Variants in DNMT3L observed in about 807,000 individuals in gnomAD.
The protein encoded by DNMT3L is DNA methyltransferase 3 like, also known as DNA (cytosine-5)-methyltransferase 3-like.
Under a neutral mutation model 36.2 loss-of-function variants are expected in DNMT3L, and 33 were observed. That is an observed-to-expected ratio of 0.91 (90% CI 0.69 to 1.22). The LOEUF is 1.22. Ranked by LOEUF, DNMT3L falls within the 50% of genes most tolerant of loss-of-function variation. The probability of loss-of-function intolerance (pLI) is 0.00; values close to 1 mark genes in which losing one functional copy is unlikely to be tolerated. For synonymous variants in DNMT3L, 117 were observed against 121.7 expected (o/e 0.96, Z 0.26); for missense variants, 310 against 303.1 (o/e 1.02, Z -0.17).
chr21:44,260,318 C>G (rs987899267), intron 3 of DNMT3L, among the ~76,000 whole-genome samples: 1 of 152,162 alleles, frequency 6.6e-6, no homozygotes, highest in Non-Finnish European at 1.5e-5. Flanking sequence ...GTTTTCTTTT[C>G]AGGGTGATGA....
chr21:44,256,484 T>C (rs1390882161), intron 6 of DNMT3L, among the ~76,000 whole-genome samples: 1 of 145,122 alleles, frequency 6.9e-6, no homozygotes, highest in East Asian at 2.1e-4. Context: ...AGTGCAATGG[T>C]GCAATCTTGG....
At chr21:44,260,711 G>A in intron 3 of DNMT3L, 84 bp downstream of exon 3, 1 of 1,564,520 alleles carries the variant, frequency 6.4e-7, no homozygotes, top group Non-Finnish European at 8.8e-7. Context: ...TCCCACATTG[G>A]TCTCCCAAAG....
intron 7 of DNMT3L, 135 bp downstream of exon 7, chr21:44,255,932 G>A (rs1307828805): frequency 1.0e-5 from 9 of 857,558 alleles, no homozygotes; most frequent in Non-Finnish European, 1.7e-5. Context: ...TGGGCCCAGG[G>A]TGGGGAAGGG....
chr21:44,260,048 CAAAAAAA>C (rs765722839), intron 3 of DNMT3L, among the ~76,000 whole-genome samples: 1 of 63,488 alleles, frequency 1.6e-5, no homozygotes, highest in Non-Finnish European at 3.1e-5. Context: ...GAGTGTGTCT[CAAAAAAA>C]AAAAAAAAAA....
intron 7 of DNMT3L, 144 bp downstream of exon 7, chr21:44,255,922 TG>T: frequency 1.4e-6 from 1 of 733,116 alleles, no homozygotes; most frequent in Non-Finnish European, 2.2e-6. Flanking sequence ...AGGGTTAGCA[TG>T]GGCCCAGGGT....
intron 2 of DNMT3L, 76 bp downstream of exon 2, chr21:44,261,078 C>T (rs748433323): frequency 2.2e-4 from 336 of 1,553,366 alleles, no homozygotes; most frequent in Non-Finnish European, 2.8e-4. Flanking sequence ...ACTCCAGAAG[C>T]CTGGAACTCC....
At chr21:44,253,786 A>T (rs1336728106) in intron 8 of DNMT3L, among the ~76,000 whole-genome samples, 1 of 152,210 alleles carries the variant, frequency 6.6e-6, no homozygotes, top group Non-Finnish European at 1.5e-5. Context: ...GTCTCCTGAT[A>T]GCACCAGTCA....
At chr21:44,254,949 C>T (rs944773944) in intron 7 of DNMT3L, among the ~76,000 whole-genome samples, 1 of 152,124 alleles carries the variant, frequency 6.6e-6, no homozygotes, top group Non-Finnish European at 1.5e-5. Context: ...CCTCAACCTC[C>T]CGAGTAGCTG....
intron 2 of DNMT3L, 148 bp downstream of exon 2, chr21:44,261,006 G>T (rs919751367): frequency 4.5e-6 from 6 of 1,340,088 alleles, no homozygotes; most frequent in Non-Finnish European, 6.3e-6. Context: ...GCCCATACCT[G>T]GGGGAAGACT....
chr21:44,260,899 C>T (rs72613643), intron 2 of DNMT3L, 60 bp from the exon 3 acceptor site: 63,601 of 1,611,072 alleles, frequency 0.039, 3,815 homozygotes, highest in East Asian at 0.28. Flanking sequence ...AATTTAAATT[C>T]GGCCAGGAAG....
Position 44,259,452 on chromosome 21 carries a change from TTTC to T in DNMT3L, c.326_328del (p.Gly109_Asn110delinsAsp). 2 of 1,613,414 alleles carry T rather than the reference TTTC, an allele frequency of 1.2e-6. No individual in the cohort carries two copies. The highest frequency in any genetic ancestry group is 1.3e-5 in the African/African-American group (1 of 74,962). On this transcript the variant is annotated inframe_deletion, in exon 5 of 12. Transcript: ENST00000628202. Reference sequence around the variant, plus strand: ...CTCGCCTCACCGGGTGCAATCAGGGTTTCCGCAGATGAGCAGCGTCTCTCCGGA... The same window carrying T: ...CTCGCCTCACCGGGTGCAATCAGGGTCGCAGATGAGCAGCGTCTCTCCGGA...
chr21:44,257,419 C>T (rs1009923472), intron 6 of DNMT3L, among the ~76,000 whole-genome samples: 8 of 151,540 alleles, frequency 5.3e-5, no homozygotes, highest in Non-Finnish European at 8.8e-5. Context: ...CGGTGGCTCA[C>T]GCCTGTAATC....
rs545915652 is a variant in DNMT3L at position 44,259,517 on chromosome 21, G to A, written c.264C>T (p.Asp88=). ...AGCAGTAGGATTGGTACCCGTCATC[G>A]TCGTACAGGAAGAGGGCATCCAGGA... The part of the protein sequence containing the change: ...DKFLDALFLY[D]DDGYQSYCSI... The change falls in exon 5 of 12, where the codon GAC becomes GAT. Residue 88 remains aspartate, a synonymous_variant. Transcript: ENST00000628202. 56 of 1,613,572 alleles carry A rather than the reference G, an allele frequency of 3.5e-5. No homozygotes were observed. The highest frequency in any genetic ancestry group is 5.0e-5 in the Admixed American group (3 of 59,992).
intron 6 of DNMT3L, among the ~76,000 whole-genome samples, chr21:44,257,701 T>TAA (rs1491408015): frequency 7.9e-4 from 39 of 49,116 alleles, no homozygotes; most frequent in African/African-American, 1.8e-3. Flanking sequence ...AAAAAATAAA[T>TAA]AAATAAATAA....
In DNMT3L at chr21:44,258,864, G is replaced by A. The variant is rs546106318; in HGVS notation, c.345-170C>T. Among the ~76,000 whole-genome samples the A allele has an allele frequency of 1.6e-4, 25 of 152,252 alleles. No individual in the cohort carries two copies. Among genetic ancestry groups the A allele is most frequent in the African/African-American group, 5.8e-4 (24 of 41,550 alleles). On this transcript the variant is annotated intron_variant, in intron 5 of 11. Transcript: ENST00000628202. This position sits in a 1 kb window ranked among gnomAD's most constrained non-coding sequence, Gnocchi z 6.2. ...GAGGGAGACGGTCCTTCCTAGAGAC[G>A]CAGAGTGACAGGAGCCGAGCCAGGT...
Position 44,256,154 on chromosome 21 carries a change from C to T in DNMT3L, c.517G>A (p.Glu173Lys). ...QLKAFYDRES[E>K]NPLEMFETVP... ...GTTTCGAACATCTCAAGGGGATTCT[C>T]CTATTTATTAAAAAACCAAAACAGG... The change falls in exon 7 of 12, where the codon GAG (glutamate) becomes AAG (lysine). Residue 173 changes from glutamate to lysine, a missense_variant and splice_region_variant. Glu to Lys is a moderately conservative substitution (Grantham distance 56). Coordinates refer to ENST00000628202, the MANE Select transcript of DNMT3L (RefSeq NM_175867.3). 1.2e-6 allele frequency: 2 copies of T among 1,613,864 alleles called. No individual in the cohort carries two copies. Among genetic ancestry groups the T allele is most frequent in the Non-Finnish European group, 1.7e-6 (2 of 1,179,970 alleles).
intron 7 of DNMT3L, among the ~76,000 whole-genome samples, chr21:44,255,734 T>A (rs1159991742): frequency 6.6e-6 from 1 of 152,142 alleles, no homozygotes; most frequent in Admixed American, 6.6e-5. Flanking sequence ...AGGCTCCTGA[T>A]CGGCTGCATG....
At chr21:44,254,775 G>C in intron 7 of DNMT3L, 70 bp from the exon 8 acceptor site, 1 of 1,497,126 alleles carries the variant, frequency 6.7e-7, no homozygotes, top group African/African-American at 1.4e-5. Context: ...ACTCGAAAAG[G>C]CTGACGGACG....
rs534646099 is a variant in DNMT3L at position 44,260,837 on chromosome 21, G to A, written c.109C>T (p.Leu37Phe). Reference sequence around the variant, plus strand: ...TTAGCCTTGACTTCATATGCAATAAGATCTGGAAAGGAAGATAAGAAGTAG... The same window carrying A: ...TTAGCCTTGACTTCATATGCAATAAAATCTGGAAAGGAAGATAAGAAGTAG... ...SSVSPGTGRDLIAYEVKANQR... is the reference protein window; with the variant it reads ...SSVSPGTGRDFIAYEVKANQR... Residue 37 changes from leucine to phenylalanine, a missense_variant and splice_region_variant, in exon 3 of 12, where the codon CTT (leucine) becomes TTT (phenylalanine). By Grantham distance (22) the Leu-to-Phe change is conservative. Transcript: ENST00000628202. 177 of 1,613,164 alleles carry A rather than the reference G, an allele frequency of 1.1e-4. No homozygotes were observed. The South Asian group carries it at 1.8e-3, about 17-fold the overall frequency.
Sources: gnomAD v4.1 joint callset for allele counts (sites outside exome capture counted in the v4.1 genomes callset) on GRCh38, gnomAD v4.1.1 for gene constraint, Gnocchi (gnomAD v3.1) non-coding constraint, MANE v1.5 for transcripts, NCBI Gene and HGNC (gene_info 2026-07-23, HGNC 2026-07-21) for gene names.